MACROD2: variants seen among roughly 807,000 people sequenced by gnomAD.
MACROD2 encodes ADP-ribose glycohydrolase MACROD2.
In MACROD2, 36 loss-of-function variants were observed where a neutral mutation model predicts 70.4. The ratio of observed to expected loss-of-function variants is 0.51; its 90% CI spans 0.39 to 0.68. MACROD2 has a LOEUF of 0.68. Among genes scored for constraint, MACROD2 ranks in the 30% least tolerant of loss-of-function variants. The pLI is 0.00. For synonymous variants in MACROD2, 172 were observed against 178.8 expected (o/e 0.96, Z 0.30); for missense variants, 496 against 538.4 (o/e 0.92, Z 0.78).
At chr20:14,811,956 A>G (rs2122177159) in intron 5 of MACROD2, among the ~76,000 whole-genome samples, 1 of 152,224 alleles carries the variant, frequency 6.6e-6, no homozygotes, top group South Asian at 2.1e-4. Context: ...GTGGAGACAT[A>G]GGAACGCTTT....
intron 10 of MACROD2, among the ~76,000 whole-genome samples, chr20:15,929,349 T>C (rs955830085): frequency 5.3e-5 from 8 of 152,212 alleles, no homozygotes; most frequent in African/African-American, 1.9e-4. Flanking sequence ...TAGCATTTCA[T>C]TAGCTAAATT....
intron 3 of MACROD2, among the ~76,000 whole-genome samples, chr20:14,215,829 T>C (rs2081617534): frequency 6.6e-6 from 1 of 152,202 alleles, no homozygotes; most frequent in African/African-American, 2.4e-5. Flanking sequence ...AATTGTCTAT[T>C]CATGTCCTTA....
intron 3 of MACROD2, among the ~76,000 whole-genome samples, chr20:14,342,643 T>A (rs2083025407): frequency 6.6e-6 from 1 of 152,226 alleles, no homozygotes; most frequent in Admixed American, 6.5e-5. Context: ...ATAATTAGAT[T>A]TTAGCAGGTC....
At chr20:15,374,309 T>C (rs2045533068) in intron 6 of MACROD2, among the ~76,000 whole-genome samples, 1 of 151,888 alleles carries the variant, frequency 6.6e-6, no homozygotes. Context: ...TATATACATA[T>C]GTAATTACAC....
At chr20:14,964,949 T>C (rs552468954) in intron 5 of MACROD2, among the ~76,000 whole-genome samples, 2 of 152,310 alleles carry the variant, frequency 1.3e-5, no homozygotes, top group African/African-American at 2.4e-5. Context: ...GGAAAGGTGT[T>C]GTGAAAATTG....
chr20:15,649,207 CTTCTTTCTTTCTTTCTTTCTTTCTTTCT>C (rs146662837), intron 8 of MACROD2, among the ~76,000 whole-genome samples: 5 of 137,770 alleles, frequency 3.6e-5, no homozygotes, highest in African/African-American at 1.1e-4. Context: ...TCTTTCTTTC[CTTCTTTCTTTCTTTCTTTCTTTCTTTCT>C]TTCTTTCTTT....
intron 3 of MACROD2, among the ~76,000 whole-genome samples, chr20:14,224,241 C>G (rs1397878584): frequency 6.6e-6 from 1 of 152,114 alleles, no homozygotes; most frequent in Admixed American, 6.5e-5. Flanking sequence ...TGCCTTGTAC[C>G]CCATAGCAGA....
At chr20:14,049,577 C>CT (rs1414643348) in intron 2 of MACROD2, among the ~76,000 whole-genome samples, 13 of 141,546 alleles carry the variant, frequency 9.2e-5, no homozygotes, top group African/African-American at 3.4e-4. Context: ...CCTGTCTCTA[C>CT]TAAAAAAAAA....
chr20:14,007,681 A>G (rs1484503879), intron 2 of MACROD2, among the ~76,000 whole-genome samples: 1 of 152,162 alleles, frequency 6.6e-6, no homozygotes, highest in African/African-American at 2.4e-5. Flanking sequence ...CCTTCTGTTA[A>G]TCTCCTTTCC....
chr20:14,160,726 T>C (rs762331413), intron 3 of MACROD2, among the ~76,000 whole-genome samples: 2 of 151,256 alleles, frequency 1.3e-5, no homozygotes, highest in African/African-American at 2.5e-5. Context: ...TAAGTTCTGC[T>C]CTGATTTTTA....
intron 3 of MACROD2, among the ~76,000 whole-genome samples, chr20:14,184,046 T>C (rs1347900006): frequency 1.3e-5 from 2 of 152,172 alleles, no homozygotes; most frequent in African/African-American, 4.8e-5. Flanking sequence ...TTTAATTAGA[T>C]CTCATTTGTC....
rs377230804 is a variant in MACROD2 at position 14,532,001 on chromosome 20, A to G, written c.301+38493A>G. 3.5e-4 allele frequency among the ~76,000 whole-genome samples: 53 copies of G among 152,218 alleles called. No homozygotes were observed. In the East Asian group the frequency reaches 5.8e-3, roughly 17 times the overall value. Reference sequence around the variant, plus strand: ...ACGTTCACTGTGTGGACACATTCCAATGAGTTTTGTTTTTTTCTTTACCAT... The same window carrying G: ...ACGTTCACTGTGTGGACACATTCCAGTGAGTTTTGTTTTTTTCTTTACCAT... On this transcript the variant is annotated intron_variant, in intron 4 of 17. Coordinates refer to ENST00000684519, the MANE Select transcript of MACROD2 (RefSeq NM_001351661.2).
At chr20:14,220,851 TG>T (rs2081666911) in intron 3 of MACROD2, among the ~76,000 whole-genome samples, 1 of 152,126 alleles carries the variant, frequency 6.6e-6, no homozygotes, top group Non-Finnish European at 1.5e-5. Flanking sequence ...CTTCCGCAGG[TG>T]GGGCACTCGC....
chr20:15,147,759 C>T (rs1601139883), intron 5 of MACROD2, among the ~76,000 whole-genome samples: 2 of 152,036 alleles, frequency 1.3e-5, no homozygotes, highest in African/African-American at 2.4e-5. Context: ...CTGTTTATTT[C>T]ACCTGGGTGC....
At chr20:14,778,150 A>G (rs73264642) in intron 5 of MACROD2, among the ~76,000 whole-genome samples, 6,905 of 152,164 alleles carry the variant, frequency 0.045, 561 homozygotes, top group African/African-American at 0.16. Flanking sequence ...GCCATTTTCA[A>G]ATTGAGGTTG....
intron 8 of MACROD2, among the ~76,000 whole-genome samples, chr20:15,858,234 A>G (rs543679687): frequency 4.6e-5 from 7 of 152,154 alleles, no homozygotes; most frequent in Non-Finnish European, 8.8e-5. Context: ...ATGAATGAAT[A>G]CAATCTCTCA....
chr20:14,035,143 T>C (rs1246933178), intron 2 of MACROD2, among the ~76,000 whole-genome samples: 6 of 152,224 alleles, frequency 3.9e-5, no homozygotes, highest in Admixed American at 1.3e-4. Context: ...TTGGACTTTA[T>C]AGGTAGATGA....
intron 8 of MACROD2, among the ~76,000 whole-genome samples, chr20:15,836,893 G>A (rs1196266224): frequency 6.6e-6 from 1 of 152,226 alleles, no homozygotes; most frequent in East Asian, 1.9e-4. Flanking sequence ...GTCCAGTTGT[G>A]TATTACAAAG....
At chr20:15,374,016 G>C (rs1166614794) in intron 6 of MACROD2, among the ~76,000 whole-genome samples, 1 of 151,798 alleles carries the variant, frequency 6.6e-6, no homozygotes, top group African/African-American at 2.4e-5. Flanking sequence ...CCTCTAATAT[G>C]AGAATTCATG....
Sources: gnomAD v4.1 joint callset for allele counts (sites outside exome capture counted in the v4.1 genomes callset) on GRCh38, gnomAD v4.1.1 for gene constraint, MANE v1.5 for transcripts, NCBI Gene and HGNC (gene_info 2026-07-23, HGNC 2026-07-21) for gene names.